The following COL28A1 variants were observed in gnomAD, a reference collection of about 807,000 sequenced individuals.
The protein encoded by COL28A1 is collagen type XXVIII alpha 1 chain.
A neutral mutation model predicts 150.2 loss-of-function variants in COL28A1; 161 were observed. That is an observed-to-expected ratio of 1.07 (90% CI 0.94 to 1.22). COL28A1 has a LOEUF of 1.22. COL28A1 is among the 50% of genes most tolerant of loss of function. The probability of loss-of-function intolerance (pLI) is 0.00; values close to 1 mark genes in which losing one functional copy is unlikely to be tolerated. For missense variants in COL28A1, 1,617 were observed against 1,388.3 expected (o/e 1.16, Z -2.62); for synonymous variants, 552 against 469.7 (o/e 1.18, Z -2.26).
rs189754723 is a variant in COL28A1 at position 7,397,874 on chromosome 7, T to A, written c.2137-16262A>T. Among the ~76,000 whole-genome samples the A allele has an allele frequency of 9.2e-5, 14 of 152,338 alleles. No homozygotes were observed. In the East Asian group the frequency reaches 2.5e-3, roughly 27 times the overall value. ...AGCTCCATTCAAAACAAGTGCCTCC[T>A]ACTCTCATCGCATAATGAAGAATCC... On this transcript the variant is annotated intron_variant, in intron 27 of 34. Transcript: ENST00000399429.
chr7:7,353,051 CAG>C (rs1780267074), downstream of COL28A1, among the ~76,000 whole-genome samples: 2 of 152,132 alleles, frequency 1.3e-5, no homozygotes, highest in South Asian at 4.1e-4. Flanking sequence ...GTGCATCAGC[CAG>C]ATCCCCATGG....
chr7:7,528,418 A>C (rs1264380497), intron 3 of COL28A1, among the ~76,000 whole-genome samples: 13 of 152,160 alleles, frequency 8.5e-5, no homozygotes, highest in Non-Finnish European at 8.8e-5. Flanking sequence ...CAGAACTAAA[A>C]TGTTTCTATG....
chr7:7,449,765 A>G (rs989081861), intron 18 of COL28A1, among the ~76,000 whole-genome samples: 2 of 152,096 alleles, frequency 1.3e-5, no homozygotes, highest in African/African-American at 4.8e-5. Flanking sequence ...CACAATTATA[A>G]AAATTTCTTC....
chr7:7,529,457 T>C (rs1273610114), intron 3 of COL28A1, among the ~76,000 whole-genome samples: 3 of 152,148 alleles, frequency 2.0e-5, no homozygotes, highest in Admixed American at 6.6e-5. Flanking sequence ...GGAGCTTCCA[T>C]CTGAACAAAC....
intron 13 of COL28A1, among the ~76,000 whole-genome samples, chr7:7,480,998 G>C (rs1432182323): frequency 6.6e-6 from 1 of 152,182 alleles, no homozygotes; most frequent in Non-Finnish European, 1.5e-5. Flanking sequence ...TACAGATTAA[G>C]CACTCAATAA....
At chr7:7,426,114 T>A (rs900673468) in intron 25 of COL28A1, among the ~76,000 whole-genome samples, 13 of 152,162 alleles carry the variant, frequency 8.5e-5, no homozygotes, top group Admixed American at 5.9e-4. Context: ...AAAAGCAAAT[T>A]AAATTCACTG....
chr7:7,363,998 G>A (rs1337310867), intron 33 of COL28A1, among the ~76,000 whole-genome samples: 2 of 151,936 alleles, frequency 1.3e-5, no homozygotes, highest in South Asian at 2.1e-4. Context: ...TATCTGGTCA[G>A]GACCTTTCAT....
intron 9 of COL28A1, among the ~76,000 whole-genome samples, chr7:7,507,495 A>T (rs769139423): frequency 6.6e-6 from 1 of 152,220 alleles, no homozygotes; most frequent in Non-Finnish European, 1.5e-5. Flanking sequence ...TTTCCTTCCG[A>T]CAGGGTAATG....
At chr7:7,338,684 C>G in the COL28A1 span, among the ~76,000 whole-genome samples, 2 of 152,112 alleles carry the variant, frequency 1.3e-5, no homozygotes, top group Non-Finnish European at 2.9e-5. Context: ...TTACTTCCTT[C>G]TCTTGCCTGA....
rs185752478 is a variant in COL28A1, at chr7:7,432,807, G to A, written c.1861-107C>T. 9.6e-4 allele frequency: 785 copies of A among 816,556 alleles called. 8 individuals are homozygous for A. The highest frequency in any genetic ancestry group is 6.5e-3 in the South Asian group (435 of 66,450). 50.6% of individuals were successfully genotyped at this position (816,556 alleles called of 1,614,324 possible). On this transcript the variant is annotated intron_variant, in intron 23 of 34. Transcript: ENST00000399429. Reference sequence around the variant, plus strand: ...TATGCCAACGGTCGATTTCTAACCCGGGAGTTAGAAAATGACTTATTGCTA... The same window carrying A: ...TATGCCAACGGTCGATTTCTAACCCAGGAGTTAGAAAATGACTTATTGCTA...
chr7:7,400,338 G>A (rs193127023), intron 27 of COL28A1, among the ~76,000 whole-genome samples: 19 of 152,246 alleles, frequency 1.2e-4, no homozygotes, highest in African/African-American at 4.6e-4. Context: ...GAGAGAAGAA[G>A]GCCAAGCAAT....
At chr7:7,519,505 T>C (rs1423072721) in intron 6 of COL28A1, among the ~76,000 whole-genome samples, 1 of 152,238 alleles carries the variant, frequency 6.6e-6, no homozygotes, top group Non-Finnish European at 1.5e-5. Flanking sequence ...TTGTGATTAC[T>C]GCTGTTGTTC....
chr7:7,533,552 G>A (rs1385690600), intron 1 of COL28A1, among the ~76,000 whole-genome samples: 1 of 152,108 alleles, frequency 6.6e-6, no homozygotes, highest in Non-Finnish European at 1.5e-5. Context: ...GAGTATGAGA[G>A]CAAAAATAAT....
At position 7,474,606 on chromosome 7, in the gene COL28A1, C is replaced by T. The variant is rs1235412152; in HGVS notation, c.1297G>A (p.Glu433Lys). The T allele has an allele frequency of 3.3e-6, 4 of 1,215,880 alleles. No homozygotes were observed. In the African/African-American group the frequency reaches 6.0e-5, roughly 18 times the overall value. 75.3% of individuals were successfully genotyped at this position (1,215,880 alleles called of 1,614,324 possible). A position where few individuals can be genotyped will look rare whatever the true frequency, so the allele number is the denominator to read the frequency against. ...QGLQGLSIKG[E>K]KGDIGPVGPQ... ...TACACCCTATTATACAGTACCTTCT[C>T]CCCTTTGATTGACAGGCCTTGTAAT... Residue 433 changes from glutamate (E) to lysine (K), a missense_variant, in exon 15 of 35, where the codon GAG becomes AAG. Transcript: ENST00000399429.
intron 15 of COL28A1, among the ~76,000 whole-genome samples, chr7:7,462,060 G>C (rs112870157): frequency 6.6e-6 from 1 of 152,126 alleles, no homozygotes. Flanking sequence ...AGGACTCTGT[G>C]CAAACAGCCC....
At position 7,507,169 on chromosome 7, in the gene COL28A1, A is replaced by T; in HGVS notation, c.928-8T>A. On this transcript the variant is annotated splice_polypyrimidine_tract_variant and splice_region_variant and intron_variant, in intron 9 of 34. Coordinates refer to ENST00000399429, the MANE Select transcript of COL28A1 (RefSeq NM_001037763.3). The stretch of plus-strand genomic sequence containing the variant: ...ATATGGCCCTGGGGATCCCTGTGGA[A>T]TAAAATTGAAAATAAGTCTCTCTAA... The T allele has an allele frequency of 8.7e-7, 1 of 1,149,758 alleles. No individual in the cohort carries two copies. Among genetic ancestry groups the T allele is most frequent in the Non-Finnish European group, 1.3e-6 (1 of 760,344 alleles). The allele number at this position is 1,149,758 out of a possible 1,614,324, so 71.2% of individuals were successfully genotyped here.
intron 13 of COL28A1, 36 bp downstream of exon 13, chr7:7,489,353 G>T (rs746427573): frequency 1.1e-6 from 1 of 903,630 alleles, no homozygotes; most frequent in Non-Finnish European, 1.9e-6. Context: ...AACTATATTT[G>T]TCCTTTTCAT....
At chr7:7,376,162 G>T (rs1431642068) in intron 30 of COL28A1, among the ~76,000 whole-genome samples, 1 of 152,092 alleles carries the variant, frequency 6.6e-6, no homozygotes, top group Non-Finnish European at 1.5e-5. Flanking sequence ...CCTTCCCTGT[G>T]CAGTGTGTTT....
chr7:7,512,723 T>C (rs886669773), intron 8 of COL28A1, among the ~76,000 whole-genome samples: 1 of 152,228 alleles, frequency 6.6e-6, no homozygotes, highest in Non-Finnish European at 1.5e-5. Context: ...TATATCGTTA[T>C]TTTGATCCTC....
Sources: allele counts gnomAD v4.1 joint callset (sites outside exome capture counted in the v4.1 genomes callset), GRCh38; gene constraint gnomAD v4.1.1; transcripts MANE v1.5; gene names NCBI Gene and HGNC (gene_info 2026-07-23, HGNC 2026-07-21).